The following ATOSA variants were observed in gnomAD, a reference collection of about 807,000 sequenced individuals.
ATOSA encodes atos homolog protein A.
At chr15:52,634,540 ATTTTT>A in the ATOSA span, among the ~76,000 whole-genome samples, 1 of 147,638 alleles carries the variant, frequency 6.8e-6, no homozygotes, top group African/African-American at 2.5e-5. Context: ...GTGAGATTAG[ATTTTT>A]TTTTTTTAAA....
At chr15:52,692,880 G>A in the ATOSA span, among the ~76,000 whole-genome samples, 2 of 151,706 alleles carry the variant, frequency 1.3e-5, no homozygotes, top group African/African-American at 4.8e-5. Context: ...CAAACTCCTG[G>A]CCTGAAGTGA....
the ATOSA span, among the ~76,000 whole-genome samples, chr15:52,689,113 C>G: frequency 1.3e-5 from 2 of 151,770 alleles, no homozygotes; most frequent in East Asian, 3.9e-4. Context: ...TATATTCCCC[C>G]CAAAAAACAT....
At chr15:52,610,985 A>T in the ATOSA span, 1 of 926,384 alleles carries the variant, frequency 1.1e-6, no homozygotes, top group Admixed American at 3.0e-5. Context: ...AAATCTCTCT[A>T]ACTTGTTTTG....
chr15:52,633,611 A>C, the ATOSA span, among the ~76,000 whole-genome samples: 76 of 152,330 alleles, frequency 5.0e-4, no homozygotes, highest in African/African-American at 1.8e-3. Context: ...AATGGAGAGC[A>C]GTGAAAGAAA....
chr15:52,640,569 C>T, the ATOSA span, among the ~76,000 whole-genome samples: 355 of 21,488 alleles, frequency 0.017, 2 homozygotes, highest in African/African-American at 0.094. Flanking sequence ...AGACTCAAGT[C>T]TCAAAAAAAA....
chr15:52,637,451 A>G, the ATOSA span, among the ~76,000 whole-genome samples: 3 of 152,086 alleles, frequency 2.0e-5, no homozygotes, highest in African/African-American at 7.2e-5. Context: ...TAAGTTTCCT[A>G]TTTACCATTA....
chr15:52,586,728 T>C, the ATOSA span: 2 of 164,018 alleles, frequency 1.2e-5, no homozygotes, highest in Admixed American at 1.3e-4. Flanking sequence ...TGTGTGGTCA[T>C]CTCATTAAAT....
the ATOSA span, among the ~76,000 whole-genome samples, chr15:52,632,918 A>G: frequency 1.3e-5 from 2 of 152,202 alleles, no homozygotes; most frequent in African/African-American, 4.8e-5. Context: ...AATTCATGCA[A>G]AGATTTGAAA....
At chr15:52,612,913 T>C in the ATOSA span, among the ~76,000 whole-genome samples, 1 of 151,868 alleles carries the variant, frequency 6.6e-6, no homozygotes, top group Non-Finnish European at 1.5e-5. Flanking sequence ...CAAAATATTT[T>C]GAACAATGTT....
the ATOSA span, among the ~76,000 whole-genome samples, chr15:52,634,078 C>T: frequency 6.6e-6 from 1 of 151,788 alleles, no homozygotes; most frequent in Non-Finnish European, 1.5e-5. Context: ...AGAGGTATAA[C>T]TAAGAAGTTA....
chr15:52,669,766 G>A, the ATOSA span, among the ~76,000 whole-genome samples: 1 of 152,178 alleles, frequency 6.6e-6, no homozygotes, highest in Non-Finnish European at 1.5e-5. Context: ...GTTATGATTA[G>A]ATTCCCAGAA....
At chr15:52,628,587 AACT>A in the ATOSA span, among the ~76,000 whole-genome samples, 1 of 152,234 alleles carries the variant, frequency 6.6e-6, no homozygotes, top group Non-Finnish European at 1.5e-5. Context: ...GTAATGTAAA[AACT>A]ACAATGTGAT....
the ATOSA span, among the ~76,000 whole-genome samples, chr15:52,590,049 A>G: frequency 6.6e-6 from 1 of 152,214 alleles, no homozygotes; most frequent in Middle Eastern, 3.4e-3. Flanking sequence ...CAGCCTCCCA[A>G]AGTGCTGGGA....
the ATOSA span, among the ~76,000 whole-genome samples, chr15:52,643,925 C>CA: frequency 0.047 from 6,981 of 147,554 alleles, 282 homozygotes; most frequent in East Asian, 0.25. Context: ...AACAAACAAA[C>CA]AAAAAAAAAC....
the ATOSA span, among the ~76,000 whole-genome samples, chr15:52,653,631 T>C: frequency 4.6e-5 from 7 of 152,292 alleles, no homozygotes; most frequent in African/African-American, 1.4e-4. Context: ...AGACCACATA[T>C]AAGATTATTA....
chr15:52,600,483 A>T, the ATOSA span, among the ~76,000 whole-genome samples: 1 of 152,100 alleles, frequency 6.6e-6, no homozygotes, highest in Non-Finnish European at 1.5e-5. Flanking sequence ...GAAAATCTGA[A>T]CTCTACTCAA....
the ATOSA span, among the ~76,000 whole-genome samples, chr15:52,648,350 C>T: frequency 6.6e-6 from 1 of 151,974 alleles, no homozygotes; most frequent in Non-Finnish European, 1.5e-5. Context: ...TGATATACCA[C>T]AGTTGTATGT....
chr15:52,684,532 G>A, the ATOSA span, among the ~76,000 whole-genome samples: 1 of 152,156 alleles, frequency 6.6e-6, no homozygotes, highest in East Asian at 1.9e-4. Flanking sequence ...GCAAGATCCT[G>A]TTACTAAAGA....
chr15:52,695,494 A>G, the ATOSA span, among the ~76,000 whole-genome samples: 3 of 152,138 alleles, frequency 2.0e-5, no homozygotes, highest in African/African-American at 7.2e-5. Flanking sequence ...TTCCTTTGTG[A>G]TTAAGATCCT....
Sources: allele counts gnomAD v4.1 joint callset (sites outside exome capture counted in the v4.1 genomes callset), GRCh38; gene constraint gnomAD v4.1.1; transcripts MANE v1.5; gene names NCBI Gene and HGNC (gene_info 2026-07-23, HGNC 2026-07-21).